Variants in LINGO2 observed in about 807,000 individuals in gnomAD.
The protein encoded by LINGO2 is leucine rich repeat and Ig domain containing 2.
In LINGO2, 14 loss-of-function variants were observed where a neutral mutation model predicts 30.6. That is an observed-to-expected ratio of 0.46 (90% CI 0.30 to 0.72). The LOEUF (loss-of-function observed/expected upper bound fraction) is 0.72, where lower values mean the gene tolerates loss of function less well. Among genes scored for constraint, LINGO2 ranks in the 30% least tolerant of loss-of-function variants. The pLI is 0.07. For synonymous variants in LINGO2, 317 were observed against 288.5 expected (o/e 1.10, Z -1.00); for missense variants, 729 against 751.7 (o/e 0.97, Z 0.35).
intron 2 of LINGO2, among the ~76,000 whole-genome samples, chr9:28,427,192 G>A (rs1258336440): frequency 6.6e-6 from 1 of 152,054 alleles, no homozygotes; most frequent in Non-Finnish European, 1.5e-5. Context: ...ATACAAATAT[G>A]TTAAAACACA....
chr9:28,689,175 C>G, the LINGO2 span, among the ~76,000 whole-genome samples: 1 of 152,092 alleles, frequency 6.6e-6, no homozygotes, highest in Non-Finnish European at 1.5e-5. Context: ...TCAAAGAACT[C>G]CAGGTAAAGT....
intron 5 of LINGO2, among the ~76,000 whole-genome samples, chr9:27,985,111 T>G (rs1226730001): frequency 1.3e-5 from 2 of 151,900 alleles, no homozygotes; most frequent in Admixed American, 1.3e-4. Context: ...ACAACAGAAT[T>G]GTTATGACAT....
At chr9:28,820,898 C>A in the LINGO2 span, among the ~76,000 whole-genome samples, 1 of 152,050 alleles carries the variant, frequency 6.6e-6, no homozygotes, top group Non-Finnish European at 1.5e-5. Flanking sequence ...CACCCCATAC[C>A]CACACACACA....
the LINGO2 span, among the ~76,000 whole-genome samples, chr9:28,848,042 ATAG>A: frequency 7.0e-5 from 1 of 14,192 alleles, no homozygotes; most frequent in Admixed American, 9.2e-4. Context: ...CACACTATAT[ATAG>A]TATATATATA....
intron 2 of LINGO2, among the ~76,000 whole-genome samples, chr9:28,384,948 C>A (rs75685601): frequency 0.025 from 3,809 of 152,138 alleles, 73 homozygotes; most frequent in Middle Eastern, 0.085. Flanking sequence ...ATGTTGCCCT[C>A]AAAAAATCTA....
chr9:28,346,407 G>A (rs1819571334), intron 3 of LINGO2, among the ~76,000 whole-genome samples: 1 of 152,070 alleles, frequency 6.6e-6, no homozygotes, highest in Non-Finnish European at 1.5e-5. Context: ...GTAGTCCATG[G>A]TGTACCACGT....
chr9:28,425,106 A>C (rs1823350390), intron 2 of LINGO2, among the ~76,000 whole-genome samples: 1 of 151,614 alleles, frequency 6.6e-6, no homozygotes, highest in South Asian at 2.1e-4. Flanking sequence ...ATACATAATT[A>C]ATACATAATT....
chr9:28,518,503 T>A (rs1820711523), intron 1 of LINGO2, among the ~76,000 whole-genome samples: 1 of 152,154 alleles, frequency 6.6e-6, no homozygotes, highest in African/African-American at 2.4e-5. Context: ...AGAAGGACAC[T>A]CTCGACTTAC....
intron 5 of LINGO2, among the ~76,000 whole-genome samples, chr9:27,969,739 C>A (rs574843576): frequency 6.6e-6 from 1 of 151,996 alleles, no homozygotes; most frequent in Non-Finnish European, 1.5e-5. Context: ...ACCAAAAAAA[C>A]CCTGAGTGGT....
chr9:29,065,782 A>G, the LINGO2 span, among the ~76,000 whole-genome samples: 1 of 151,970 alleles, frequency 6.6e-6, no homozygotes, highest in Admixed American at 6.6e-5. Context: ...TCCCCATATA[A>G]GCGGAAATTC....
chr9:28,496,871 C>G (rs1819652110), intron 1 of LINGO2, among the ~76,000 whole-genome samples: 1 of 152,148 alleles, frequency 6.6e-6, no homozygotes. Context: ...CAAAATCTCT[C>G]AACATTTGCT....
chr9:27,946,018 A>G (rs185872806), downstream of LINGO2, among the ~76,000 whole-genome samples: 272 of 152,244 alleles, frequency 1.8e-3, 1 homozygote, highest in Admixed American at 3.8e-3. Context: ...CTCTTATTGG[A>G]AACATTAGGT....
At chr9:28,557,530 C>T (rs1306451402) in intron 1 of LINGO2, among the ~76,000 whole-genome samples, 3 of 151,940 alleles carry the variant, frequency 2.0e-5, no homozygotes, top group Admixed American at 6.6e-5. Context: ...GAAATAGGAA[C>T]ACTTTTACAC....
At chr9:29,008,837 A>G in the LINGO2 span, among the ~76,000 whole-genome samples, 1 of 152,140 alleles carries the variant, frequency 6.6e-6, no homozygotes, top group Non-Finnish European at 1.5e-5. Flanking sequence ...ATCCACCATG[A>G]TCAAGTTGGC....
chr9:28,947,625 T>C, the LINGO2 span, among the ~76,000 whole-genome samples: 2 of 151,752 alleles, frequency 1.3e-5, no homozygotes, highest in Admixed American at 6.6e-5. Context: ...ACTTGTAGAC[T>C]GGGTTACAAA....
intron 1 of LINGO2, among the ~76,000 whole-genome samples, chr9:28,612,005 A>G (rs551188471): frequency 1.3e-5 from 2 of 151,926 alleles, no homozygotes; most frequent in South Asian, 4.2e-4. Context: ...TATTCTTAGT[A>G]GAGACAGGGT....
intron 4 of LINGO2, among the ~76,000 whole-genome samples, chr9:28,234,823 T>C (rs1821501189): frequency 6.6e-6 from 1 of 152,184 alleles, no homozygotes; most frequent in Non-Finnish European, 1.5e-5. Flanking sequence ...GGACCTCAAC[T>C]TGTGATCGTG....
intron 1 of LINGO2, among the ~76,000 whole-genome samples, chr9:28,637,612 G>C (rs1827345396): frequency 6.6e-6 from 1 of 152,026 alleles, no homozygotes; most frequent in African/African-American, 2.4e-5. Flanking sequence ...TCATGATTTG[G>C]TTCTCTGTTT....
chr9:28,761,484 GCACA>G, the LINGO2 span, among the ~76,000 whole-genome samples: 1,385 of 149,228 alleles, frequency 9.3e-3, 33 homozygotes, highest in African/African-American at 0.029. Flanking sequence ...ATATACATGC[GCACA>G]CACACACACA....
Sources: allele counts gnomAD v4.1 joint callset (sites outside exome capture counted in the v4.1 genomes callset), GRCh38; gene constraint gnomAD v4.1.1; transcripts MANE v1.5; gene names NCBI Gene and HGNC (gene_info 2026-07-23, HGNC 2026-07-21).